Variants in ADAM2 observed in about 807,000 individuals in gnomAD.
The protein encoded by ADAM2 is ADAM metallopeptidase domain 2, also known as disintegrin and metalloproteinase domain-containing protein 2.
A neutral mutation model predicts 99.3 loss-of-function variants in ADAM2; 101 were observed. That is an observed-to-expected ratio of 1.02 (90% CI 0.87 to 1.20). The LOEUF is 1.20. Ranked by LOEUF, ADAM2 falls within the 50% of genes most tolerant of loss-of-function variation. The pLI is 0.00. For missense variants in ADAM2, 948 were observed against 878.7 expected (o/e 1.08, Z -1.00); for synonymous variants, 323 against 287.6 (o/e 1.12, Z -1.25).
At chr8:39,804,017 C>A (rs1173076911) in intron 7 of ADAM2, among the ~76,000 whole-genome samples, 1 of 152,188 alleles carries the variant, frequency 6.6e-6, no homozygotes, top group Non-Finnish European at 1.5e-5. Context: ...AGCACCATCT[C>A]ATTCGTGGTA....
intron 12 of ADAM2, among the ~76,000 whole-genome samples, chr8:39,767,924 A>ACACT (rs1198491003): frequency 3.3e-5 from 5 of 150,550 alleles, no homozygotes; most frequent in South Asian, 2.1e-4. Flanking sequence ...ACACACACAC[A>ACACT]CTCACATTTT....
intron 6 of ADAM2, among the ~76,000 whole-genome samples, chr8:39,811,670 C>T (rs1192547087): frequency 6.6e-6 from 1 of 152,148 alleles, no homozygotes; most frequent in Non-Finnish European, 1.5e-5. Flanking sequence ...GAACCAAAGA[C>T]AAAAACCACA....
intron 16 of ADAM2, among the ~76,000 whole-genome samples, chr8:39,752,993 G>A (rs1188141562): frequency 6.6e-6 from 1 of 152,092 alleles, no homozygotes; most frequent in Non-Finnish European, 1.5e-5. Context: ...CAGTAAAATC[G>A]GTACCAGGAA....
intron 7 of ADAM2, among the ~76,000 whole-genome samples, chr8:39,803,083 A>G (rs959214472): frequency 5.3e-5 from 8 of 152,200 alleles, no homozygotes; most frequent in Non-Finnish European, 5.9e-5. Context: ...GATTGAGAGC[A>G]ACAGAAAAGA....
Position 39,821,622 on chromosome 8 carries a change from T to A in ADAM2, c.308A>T (p.Lys103Ile). Residue 103 changes from lysine to isoleucine, a missense_variant, in exon 5 of 21, where the codon AAA becomes ATA. By Grantham distance (102) the Lys-to-Ile change is moderately radical. Transcript: ENST00000265708. ...HYQGYIEGYPKSVVMVSTCTG... is the reference protein window; with the variant it reads ...HYQGYIEGYPISVVMVSTCTG... ...ACATGTGCTAACCATCACCACAGAT[T>A]TTGGATAACCTTCAATATACCCTTG... 1 of 1,608,948 alleles carries A rather than the reference T, an allele frequency of 6.2e-7. No homozygotes were observed. Among genetic ancestry groups the A allele is most frequent in the Non-Finnish European group, 8.5e-7 (1 of 1,175,882 alleles).
At position 39,821,024 on chromosome 8, in the gene ADAM2, G is replaced by A. The variant is rs905592136; in HGVS notation, c.491C>T (p.Ser164Phe). The A allele has an allele frequency of 1.3e-6, 2 of 1,598,878 alleles. No individual in the cohort carries two copies. Among genetic ancestry groups the A allele is most frequent in the African/African-American group, 1.3e-5 (1 of 74,202 alleles). ...TACCTCTACGCTTTGTAATTTAAAGGACAGATCTCTTGATTCAATATCCTT... is the reference window on the plus strand; with the variant it reads ...TACCTCTACGCTTTGTAATTTAAAGAACAGATCTCTTGATTCAATATCCTT... ...NEKDIESRDL[S>F]FKLQSVEPQQ... Residue 164 changes from serine to phenylalanine, a missense_variant, in exon 6 of 21, where the codon TCC becomes TTC. By Grantham distance (155) the Ser-to-Phe change is radical. Transcript: ENST00000265708.
At chr8:39,808,189 TAC>T (rs144114156) in intron 7 of ADAM2, among the ~76,000 whole-genome samples, 4,629 of 145,990 alleles carry the variant, frequency 0.032, 102 homozygotes, top group African/African-American at 0.064. Context: ...TCCTAAGGAA[TAC>T]ACACACACAC....
At chr8:39,797,360 G>A (rs1804006833) in intron 7 of ADAM2, among the ~76,000 whole-genome samples, 4 of 152,134 alleles carry the variant, frequency 2.6e-5, no homozygotes, top group Admixed American at 2.6e-4. Context: ...GATGGTTGTA[G>A]ATGTGTAGAG....
chr8:39,758,281 A>G (rs1802225795), intron 15 of ADAM2, among the ~76,000 whole-genome samples: 1 of 152,140 alleles, frequency 6.6e-6, no homozygotes, highest in African/African-American at 2.4e-5. Context: ...TTACTCTCAA[A>G]TATTTCAGAA....
intron 16 of ADAM2, among the ~76,000 whole-genome samples, chr8:39,753,408 C>T (rs904394161): frequency 1.3e-5 from 2 of 151,054 alleles, no homozygotes; most frequent in Non-Finnish European, 2.9e-5. Context: ...GAAAAATTTG[C>T]AGCCTGATGA....
intron 6 of ADAM2, among the ~76,000 whole-genome samples, chr8:39,811,277 G>T (rs1008547199): frequency 4.6e-5 from 7 of 152,162 alleles, no homozygotes; most frequent in Non-Finnish European, 8.8e-5. Context: ...AACAGGCTCT[G>T]AAATTGAGGC....
At chr8:39,779,865 C>G (rs746433458) in intron 10 of ADAM2, among the ~76,000 whole-genome samples, 1 of 152,070 alleles carries the variant, frequency 6.6e-6, no homozygotes, top group Non-Finnish European at 1.5e-5. Flanking sequence ...ACACTCGTCT[C>G]TAATTTTATG....
intron 7 of ADAM2, among the ~76,000 whole-genome samples, chr8:39,793,888 T>C (rs1290498656): frequency 6.6e-6 from 1 of 152,066 alleles, no homozygotes; most frequent in Non-Finnish European, 1.5e-5. Context: ...TGGGCAGAAA[T>C]AGCCTCGTCA....
At chr8:39,823,052 C>T (rs1207748882) in intron 4 of ADAM2, among the ~76,000 whole-genome samples, 1 of 152,126 alleles carries the variant, frequency 6.6e-6, no homozygotes. Flanking sequence ...CCGGTGTGAG[C>T]CACCACACCC....
At chr8:39,767,530 A>T (rs1218182051) in intron 12 of ADAM2, among the ~76,000 whole-genome samples, 3 of 152,202 alleles carry the variant, frequency 2.0e-5, no homozygotes, top group South Asian at 4.1e-4. Flanking sequence ...CAAGTCACTG[A>T]GAAGAGCTCT....
At chr8:39,749,586 C>CGT (rs10702566) in intron 17 of ADAM2, 81 bp downstream of exon 17, 217 of 1,214,692 alleles carry the variant, frequency 1.8e-4, no homozygotes, top group Admixed American at 7.0e-4. Flanking sequence ...TGTGTGTGTG[C>CGT]GTGTGTGTGT....
intron 7 of ADAM2, among the ~76,000 whole-genome samples, chr8:39,794,330 C>G (rs1265338732): frequency 6.6e-6 from 1 of 152,090 alleles, no homozygotes; most frequent in Non-Finnish European, 1.5e-5. Context: ...ATTCCTAAAA[C>G]TGCTAGAAAT....
At chr8:39,758,437 G>A (rs1041238561) in intron 15 of ADAM2, among the ~76,000 whole-genome samples, 1 of 151,966 alleles carries the variant, frequency 6.6e-6, no homozygotes, top group African/African-American at 2.4e-5. Context: ...TAAGCCAAAT[G>A]TGTTAAAATG....
intron 7 of ADAM2, among the ~76,000 whole-genome samples, chr8:39,790,288 T>C (rs113460750): frequency 2.0e-5 from 3 of 152,056 alleles, no homozygotes; most frequent in African/African-American, 7.2e-5. Flanking sequence ...AAGTGAAATG[T>C]CCATCAACTA....
Sources: gnomAD v4.1 joint callset for allele counts (sites outside exome capture counted in the v4.1 genomes callset) on GRCh38, gnomAD v4.1.1 for gene constraint, MANE v1.5 for transcripts, NCBI Gene and HGNC (gene_info 2026-07-23, HGNC 2026-07-21) for gene names.